The following CENPI variants were observed in gnomAD, a reference collection of about 807,000 sequenced individuals.
The protein encoded by CENPI is FSH primary response 1.
In CENPI, 4 loss-of-function variants were observed where a neutral mutation model predicts 60.4. The observed-to-expected ratio is 0.07, with a 90% CI of 0.03 to 0.15. The LOEUF (loss-of-function observed/expected upper bound fraction) is 0.15, where lower values mean the gene tolerates loss of function less well. CENPI is among the 10% of genes least tolerant of loss of function. The probability of loss-of-function intolerance (pLI) is 1.00; values close to 1 mark genes in which losing one functional copy is unlikely to be tolerated. For synonymous variants in CENPI, 157 were observed against 189.4 expected, an observed-to-expected ratio of 0.83 and a Z score of 1.40; for missense variants, 444 against 534.5, an observed-to-expected ratio of 0.83 and a Z score of 1.67.
chrX:101,161,842 G>A (rs752687950), intron 21 of CENPI, among the ~76,000 whole-genome samples: 6 of 111,993 alleles, frequency 5.4e-5, no homozygotes, highest in Non-Finnish European at 9.4e-5. Context: ...TGTTACTGGC[G>A]TAACAAAGCC....
chrX:101,149,245 C>T (rs1219879943), intron 20 of CENPI, among the ~76,000 whole-genome samples: 2 of 111,539 alleles, frequency 1.8e-5, no homozygotes, highest in African/African-American at 3.3e-5. Context: ...TTACAGGCCA[C>T]GTGGTCTGTG....
At chrX:101,106,052 A>C (rs1358797278) in intron 4 of CENPI, among the ~76,000 whole-genome samples, 1 of 111,120 alleles carries the variant, frequency 9.0e-6, no homozygotes, top group Non-Finnish European at 1.9e-5. Flanking sequence ...GTATGGTAGA[A>C]ATGTCATCAT....
chrX:101,137,268 A>G (rs1469733133), intron 15 of CENPI, among the ~76,000 whole-genome samples: 3 of 112,215 alleles, frequency 2.7e-5, no homozygotes, highest in Non-Finnish European at 3.8e-5. Context: ...AGTCTCGAGC[A>G]TCTTCATGAT....
intron 20 of CENPI, 83 bp downstream of exon 20, chrX:101,148,244 C>A: frequency 2.4e-6 from 2 of 825,131 alleles, no homozygotes; most frequent in Non-Finnish European, 3.5e-6. Flanking sequence ...TTTAATGTGT[C>A]TGAATTGTAA....
intron 21 of CENPI, among the ~76,000 whole-genome samples, chrX:101,162,473 A>AAATATATATAT (rs1303045267): frequency 4.4e-5 from 3 of 68,129 alleles, no homozygotes; most frequent in African/African-American, 2.1e-4. Flanking sequence ...AAAAAAAAAA[A>AAATATATATAT]ATATATATAT....
chrX:101,159,687 C>G (rs1162095801), intron 20 of CENPI, among the ~76,000 whole-genome samples: 1 of 110,889 alleles, frequency 9.0e-6, no homozygotes. Flanking sequence ...GTCTCGAACT[C>G]CTGACCTCAG....
intron 3 of CENPI, among the ~76,000 whole-genome samples, chrX:101,102,071 G>A (rs1252512215): frequency 1.8e-5 from 2 of 111,868 alleles, no homozygotes; most frequent in Non-Finnish European, 3.8e-5. Context: ...ATGGAGTCTT[G>A]TCATGTTGCC....
intron 15 of CENPI, 103 bp from the exon 16 acceptor site, chrX:101,140,563 T>C: frequency 1.8e-6 from 1 of 546,820 alleles, no homozygotes; most frequent in Middle Eastern, 4.0e-4. Flanking sequence ...AAATTTGATG[T>C]GGTCATCTCC....
rs1465266535 is a variant in CENPI at position 101,164,907 on chromosome X, A to C, written c.*1940A>C. Among the ~76,000 whole-genome samples, 1 of 112,243 alleles carries C rather than the reference A, an allele frequency of 8.9e-6. No individual in the cohort carries two copies. Among genetic ancestry groups the C allele is most frequent in the Non-Finnish European group, 1.9e-5 (1 of 53,297 alleles). On this transcript the variant is annotated 3_prime_UTR_variant, in exon 22 of 22. Transcript: ENST00000682095. Reference sequence around the variant, plus strand: ...GTGGAGAGGGTTGAAACTTTAGATAAGATGGTTTGGGAAAGCCTGTTTGAA... The same window carrying C: ...GTGGAGAGGGTTGAAACTTTAGATACGATGGTTTGGGAAAGCCTGTTTGAA...
intron 18 of CENPI, among the ~76,000 whole-genome samples, chrX:101,147,080 TA>T (rs1449284783): frequency 8.9e-6 from 1 of 112,017 alleles, no homozygotes; most frequent in Admixed American, 9.5e-5. Flanking sequence ...ATGTCAAGGT[TA>T]AAATGTTTAA....
chrX:101,108,546 C>T (rs2089512343), intron 4 of CENPI, among the ~76,000 whole-genome samples: 1 of 111,284 alleles, frequency 9.0e-6, no homozygotes. Flanking sequence ...GTAATCATCA[C>T]CACTATCTAA....
rs1916989706 is a variant in CENPI at position 101,127,646 on chromosome X, A to G, written c.1055A>G (p.Gln352Arg). 3 of 1,183,863 alleles carry G rather than the reference A, an allele frequency of 2.5e-6. No homozygotes were observed. The change falls in exon 11 of 22, where the codon CAG (glutamine) becomes CGG (arginine). Residue 352 changes from glutamine (Q) to arginine (R), a missense_variant. Coordinates refer to ENST00000682095, the MANE Select transcript of CENPI (RefSeq NM_001386188.2). ...EQLQSFPQLL[Q>R]NIHCLELPSQ... ...CTTCAAAGCTTCCCCCAACTTTTAC[A>G]GAACATCCATTGCTTAGAGGTATGT...
At chrX:101,152,446 T>C (rs1165062584) in intron 20 of CENPI, among the ~76,000 whole-genome samples, 1 of 110,823 alleles carries the variant, frequency 9.0e-6, no homozygotes, top group Non-Finnish European at 1.9e-5. Context: ...TGAGACAGTC[T>C]TGCTCTGTCG....
chrX:101,109,362 T>C (rs1269227832), intron 4 of CENPI, 111 bp from the exon 5 acceptor site: 5 of 591,753 alleles, frequency 8.4e-6, no homozygotes, highest in Non-Finnish European at 1.4e-5. Flanking sequence ...ATTACAGGCA[T>C]GAGCTGCCGC....
chrX:101,168,280 T>C (rs184337047), downstream of CENPI, among the ~76,000 whole-genome samples: 435 of 112,440 alleles, frequency 3.9e-3, no homozygotes, highest in African/African-American at 0.011. Flanking sequence ...GGAAACCTTA[T>C]TGGGGCCAGG....
intron 11 of CENPI, 85 bp from the exon 12 acceptor site, chrX:101,128,630 TA>T (rs1185397313): frequency 9.9e-7 from 1 of 1,010,380 alleles, no homozygotes; most frequent in Non-Finnish European, 1.4e-6. Flanking sequence ...ATGCCCAGCC[TA>T]TTTTTGTTAT....
chrX:101,110,052 A>T, intron 6 of CENPI, 54 bp downstream of exon 6: 3 of 679,769 alleles, frequency 4.4e-6, no homozygotes, highest in South Asian at 2.5e-5. Flanking sequence ...ATGTGTGTAT[A>T]TTGATGCACC....
intron 4 of CENPI, among the ~76,000 whole-genome samples, chrX:101,108,247 A>T (rs1203454946): frequency 9.1e-6 from 1 of 110,470 alleles, no homozygotes; most frequent in African/African-American, 3.3e-5. Context: ...GCTAATTTTT[A>T]TATTTTTTGT....
chrX:101,162,473 A>AAATATATATATATATATATATAT (rs1303045267), intron 21 of CENPI, among the ~76,000 whole-genome samples: 2 of 68,106 alleles, frequency 2.9e-5, no homozygotes, highest in African/African-American at 1.4e-4. Context: ...AAAAAAAAAA[A>AAATATATATATATATATATATAT]ATATATATAT....
Sources: allele counts gnomAD v4.1 joint callset (sites outside exome capture counted in the v4.1 genomes callset), GRCh38; gene constraint gnomAD v4.1.1; transcripts MANE v1.5; gene names NCBI Gene and HGNC (gene_info 2026-07-23, HGNC 2026-07-21).